Variants in MCF2L observed in about 807,000 individuals in gnomAD.
MCF2L encodes MCF.2 cell line derived transforming sequence like.
Under a neutral mutation model 153.4 loss-of-function variants are expected in MCF2L, and 97 were observed. The observed-to-expected ratio is 0.63, with a 90% CI of 0.54 to 0.75. The LOEUF (loss-of-function observed/expected upper bound fraction) is 0.75, where lower values mean the gene tolerates loss of function less well. MCF2L is among the 30% of genes least tolerant of loss of function. The pLI, the probability that MCF2L is intolerant of heterozygous loss-of-function variation, is 0.00. For synonymous variants in MCF2L, 659 were observed against 632.2 expected (o/e 1.04, Z -0.64); for missense variants, 1,347 against 1,495.2 (o/e 0.90, Z 1.64).
At chr13:112,895,601 T>C (rs1248637285) in intron 1 of MCF2L, among the ~76,000 whole-genome samples, 1 of 152,080 alleles carries the variant, frequency 6.6e-6, no homozygotes, top group Non-Finnish European at 1.5e-5. Flanking sequence ...ACCCAGGCAT[T>C]GCCTGAGTTC....
chr13:113,000,005 G>A (rs1409998296), intron 1 of MCF2L, among the ~76,000 whole-genome samples: 3 of 133,392 alleles, frequency 2.2e-5, no homozygotes, highest in Non-Finnish European at 5.1e-5. Flanking sequence ...CGGGAATGAA[G>A]ACGCCGGCAG....
In MCF2L at chr13:113,011,553, G is replaced by A. The variant is rs552705308; in HGVS notation, c.80-3210G>A. Among the ~76,000 whole-genome samples the A allele has an allele frequency of 1.1e-4, 16 of 150,284 alleles. No individual in the cohort carries two copies. In the East Asian group the frequency reaches 1.4e-3, roughly 13 times the overall value. ...GGATGGTGGACACTGCGATGAGGAC[G>A]GTGGACACTGCGATGAGGACAGTGG... On this transcript the variant is annotated intron_variant, in intron 1 of 29. Transcript: ENST00000535094.
At chr13:112,995,710 C>A (rs2083100286) in intron 1 of MCF2L, among the ~76,000 whole-genome samples, 1 of 152,148 alleles carries the variant, frequency 6.6e-6, no homozygotes, top group Admixed American at 6.5e-5. Context: ...GTCACCGAAC[C>A]CTCCTTCCAC....
rs575272202 is a variant in MCF2L at position 113,071,000 on chromosome 13, G to A, written c.996+827G>A. On this transcript the variant is annotated intron_variant, in intron 9 of 29. Coordinates refer to ENST00000535094, the MANE Select transcript of MCF2L (RefSeq NM_001112732.3). The surrounding 1 kb of genome is among the most constrained non-coding windows in gnomAD (Gnocchi z 5.6). ...AGTTGCATGTTTCGTTTAAGAAAAT[G>A]CCAAACGGTTCTCAGTGTATGAGAG... Among the ~76,000 whole-genome samples, 55 of 152,316 alleles carry A rather than the reference G, an allele frequency of 3.6e-4. No homozygotes were observed. The South Asian group carries it at 5.6e-3, about 16-fold the overall frequency.
At position 113,028,262 on chromosome 13, in the gene MCF2L, C is replaced by A. The variant is rs2085431759; in HGVS notation, c.278+3504C>A. 6.6e-6 allele frequency among the ~76,000 whole-genome samples: 1 copy of A among 152,200 alleles called. No individual in the cohort carries two copies. Among genetic ancestry groups the A allele is most frequent in the Non-Finnish European group, 1.5e-5 (1 of 68,048 alleles). On this transcript the variant is annotated intron_variant, in intron 3 of 29. Transcript: ENST00000535094. This position sits in a 1 kb window ranked among gnomAD's most constrained non-coding sequence, Gnocchi z 5.4. ...TTCCTTAGCTACCCACATCCCTTTT[C>A]TTGAGATTTGTCTAGAATCTGCAGC...
chr13:113,037,140 GTGTTCTTGGCATC>G (rs1178874339), intron 3 of MCF2L, among the ~76,000 whole-genome samples: 1 of 152,178 alleles, frequency 6.6e-6, no homozygotes, highest in Non-Finnish European at 1.5e-5. Context: ...ACAGCCTGCC[GTGTTCTTGGCATC>G]TGTGCACAGT....
At chr13:112,917,379 C>T (rs903776714) in intron 2 of MCF2L, 40 of 350,684 alleles carry the variant, frequency 1.1e-4, no homozygotes, top group Non-Finnish European at 1.5e-4. Flanking sequence ...TCCGACCTCC[C>T]GGGAAATCCT....
chr13:112,952,644 A>G (rs770478493), intron 2 of MCF2L, among the ~76,000 whole-genome samples: 4 of 152,214 alleles, frequency 2.6e-5, no homozygotes, highest in Admixed American at 6.5e-5. Context: ...AGTTGAAAAT[A>G]AGCAATAAAA....
chr13:113,063,176 C>T lies in MCF2L; in HGVS notation c.490-1128C>T, dbSNP rs536985256. 1.0e-3 allele frequency among the ~76,000 whole-genome samples: 159 copies of T among 152,348 alleles called. 1 individual carries two copies. Among genetic ancestry groups the T allele is most frequent in the Middle Eastern group, 0.01 (3 of 294 alleles). ...GCATGATGAGCTCAGGCACAACGTG[C>T]CCATTTACGAAGGAGGCAGCTGAGA... On this transcript the variant is annotated intron_variant, in intron 5 of 29. Transcript: ENST00000535094.
chr13:113,090,186 C>T, intron 26 of MCF2L: 1 of 1,511,998 alleles, frequency 6.6e-7, no homozygotes, highest in Non-Finnish European at 8.9e-7. Flanking sequence ...GCCCCAAACC[C>T]ACCCTCACCG....
chr13:112,906,596 G>A (rs1471021759), intron 2 of MCF2L, among the ~76,000 whole-genome samples: 1 of 152,242 alleles, frequency 6.6e-6, no homozygotes, highest in Non-Finnish European at 1.5e-5. Context: ...GCTCTGCCGT[G>A]AGTGCGTGGT....
At position 113,078,756 on chromosome 13, in the gene MCF2L, T is replaced by C; in HGVS notation, c.1808+17T>C. On this transcript the variant is annotated intron_variant, in intron 15 of 29. Coordinates refer to ENST00000535094, the MANE Select transcript of MCF2L (RefSeq NM_001112732.3). The stretch of plus-strand genomic sequence containing the variant: ...CCTGCGCAGGTGGGTGCGCTGCCCT[T>C]CTGTCCTCACAGGGGCCCTCCGACC... 1 of 1,587,228 alleles carries C rather than the reference T, an allele frequency of 6.3e-7. No individual in the cohort carries two copies. The highest frequency in any genetic ancestry group is 8.5e-7 in the Non-Finnish European group (1 of 1,172,510).
At chr13:113,062,785 C>A (rs76087203) in intron 5 of MCF2L, among the ~76,000 whole-genome samples, 1,722 of 152,204 alleles carry the variant, frequency 0.011, 18 homozygotes, top group South Asian at 0.02. Context: ...TGTCCAAACC[C>A]ATGGATGGAG....
At chr13:113,078,308 C>G (rs2033722397) in intron 13 of MCF2L, 55 bp from the exon 14 acceptor site, 1 of 1,425,990 alleles carries the variant, frequency 7.0e-7, no homozygotes, top group African/African-American at 1.4e-5. Context: ...GGTGCACTTC[C>G]CCTCTCCAGA....
rs12585068 is a variant in MCF2L at position 113,072,950 on chromosome 13, A to G, written c.997-1494A>G. ...AACATACATATTTAATAAGAACACT[A>G]TAAATTTCCCTCTCATCACTGATTT... On this transcript the variant is annotated intron_variant, in intron 9 of 29. Transcript: ENST00000535094. Among the ~76,000 whole-genome samples, 144 of 151,958 alleles carry G rather than the reference A, an allele frequency of 9.5e-4. 3 individuals are homozygous for G. The East Asian group carries it at 0.025, about 27-fold the overall frequency.
chr13:113,069,932 C>T (rs571440639), intron 8 of MCF2L, 127 bp from the exon 9 acceptor site: 9 of 586,316 alleles, frequency 1.5e-5, no homozygotes, highest in East Asian at 3.5e-5. Flanking sequence ...AGGGAGTGAG[C>T]GGAGGCCAGG....
chr13:113,037,616 C>A (rs187774626), intron 3 of MCF2L, among the ~76,000 whole-genome samples: 15 of 152,312 alleles, frequency 9.8e-5, no homozygotes, highest in African/African-American at 3.6e-4. Flanking sequence ...CAAAGAGCAA[C>A]TGTAAAACCT....
At chr13:113,049,694 G>A (rs893987879) in intron 4 of MCF2L, among the ~76,000 whole-genome samples, 1 of 152,200 alleles carries the variant, frequency 6.6e-6, no homozygotes, top group African/African-American at 2.4e-5. Context: ...CCAGCTCATG[G>A]TGCTGCGGGC....
chr13:113,006,717 T>A (rs1303158744), intron 1 of MCF2L, among the ~76,000 whole-genome samples: 1 of 152,122 alleles, frequency 6.6e-6, no homozygotes, highest in Non-Finnish European at 1.5e-5. Context: ...GACCCTCGGG[T>A]CTGGGCCCTG....
Sources: gnomAD v4.1 joint callset for allele counts (sites outside exome capture counted in the v4.1 genomes callset) on GRCh38, gnomAD v4.1.1 for gene constraint, Gnocchi (gnomAD v3.1) non-coding constraint, MANE v1.5 for transcripts, NCBI Gene and HGNC (gene_info 2026-07-23, HGNC 2026-07-21) for gene names.